PI4KA: variants seen among roughly 807,000 people sequenced by gnomAD.
The protein encoded by PI4KA is phosphatidylinositol 4-kinase alpha, also known as PI4-kinase alpha.
PI4KA carries 122 observed loss-of-function variants against 271.4 expected under a neutral mutation model. That is an observed-to-expected ratio of 0.45 (90% CI 0.39 to 0.52). The LOEUF is 0.52. Among genes scored for constraint, PI4KA ranks in the 20% least tolerant of loss-of-function variants. The probability of loss-of-function intolerance (pLI) is 0.00; values close to 1 mark genes in which losing one functional copy is unlikely to be tolerated. For missense variants in PI4KA, 1,969 were observed against 2,769.1 expected (o/e 0.71, Z 6.48); for synonymous variants, 1,041 against 1,078.8 (o/e 0.96, Z 0.69).
intron 1 of PI4KA, among the ~76,000 whole-genome samples, chr22:20,853,391 A>T (rs1473965491): frequency 6.6e-6 from 1 of 152,232 alleles, no homozygotes; most frequent in Non-Finnish European, 1.5e-5. Context: ...GGGGTGGCTC[A>T]GCAACATTCT....
rs765346552 is a variant in PI4KA, at chr22:20,721,314, C to A, written c.5100G>T (p.Glu1700Asp). 6.2e-7 allele frequency: 1 copy of A among 1,613,932 alleles called. No homozygotes were observed. The highest frequency in any genetic ancestry group is 1.3e-5 in the African/African-American group (1 of 74,902). The change falls in exon 43 of 55, where the codon GAG becomes GAT. Residue 1700 changes from glutamate to aspartate, a missense_variant. Glu to Asp is a conservative substitution (Grantham distance 45). Around this residue, in one of 13 missense-constraint regions of PI4KA, gnomAD observed 388 missense variants for 521.5 expected, o/e 0.74. Transcript: ENST00000255882. ...NMKTNIYLDE[E>D]GHQKDPDIGD... ...AATACTCACGGTCTTTCTGGTGGCCCTCTTCATCTAGATAAATGTTAGTCT... is the reference window on the plus strand; with the variant it reads ...AATACTCACGGTCTTTCTGGTGGCCATCTTCATCTAGATAAATGTTAGTCT...
chr22:20,761,332 C>T lies in PI4KA; in HGVS notation c.2763G>A (p.Glu921=). The T allele has an allele frequency of 6.2e-7, 1 of 1,610,050 alleles. No individual in the cohort carries two copies. ...DRFQVMFCYF[E]DKAIQKDKSG... ...ATTTGTCTTTCTGAATAGCTTTATC[C>T]TCAAAGTAGCAGAACATTACCTGGA... Residue 921 remains glutamate (E), a synonymous_variant, in exon 23 of 55, where the codon GAG becomes GAA. Coordinates refer to ENST00000255882, the MANE Select transcript of PI4KA (RefSeq NM_058004.4).
At chr22:20,819,077 T>C (rs1922226635) in intron 6 of PI4KA, among the ~76,000 whole-genome samples, 1 of 152,238 alleles carries the variant, frequency 6.6e-6, no homozygotes, top group Non-Finnish European at 1.5e-5. Context: ...TTTTGGTTTT[T>C]ACACTATTTA....
In PI4KA at chr22:20,727,339, C is replaced by A. The variant is rs1043838514; in HGVS notation, c.4832G>T (p.Cys1611Phe). ...ADAPELSHVL[C>F]WAPTDPPTGL... Reference sequence around the variant, plus strand: ...TGTGGGTGGGTCCGTGGGCGCCCAGCACAGCACATGGCTGAGCTCTGGAGC... The same window carrying A: ...TGTGGGTGGGTCCGTGGGCGCCCAGAACAGCACATGGCTGAGCTCTGGAGC... The change falls in exon 41 of 55, where the codon TGC becomes TTC. Residue 1611 changes from cysteine to phenylalanine, a missense_variant. By Grantham distance (205) the Cys-to-Phe change is radical (BLOSUM62 -2). This residue lies in a region of PI4KA where 388 missense variants were observed against 521.5 expected (regional missense o/e 0.74). Transcript: ENST00000255882. The A allele has an allele frequency of 3.1e-6, 5 of 1,613,044 alleles. No individual in the cohort carries two copies. In the Admixed American group the frequency reaches 6.7e-5, roughly 22 times the overall value.
intron 19 of PI4KA, chr22:20,785,988 T>C (rs1162941892): frequency 6.2e-7 from 1 of 1,614,146 alleles, no homozygotes; most frequent in Non-Finnish European, 8.5e-7. Flanking sequence ...GGGCCCCCCT[T>C]TCCTTTTCTG....
At chr22:20,852,166 T>TA (rs1343160145) in intron 1 of PI4KA, among the ~76,000 whole-genome samples, 1 of 152,024 alleles carries the variant, frequency 6.6e-6, no homozygotes, top group East Asian at 1.9e-4. Flanking sequence ...ATCAGGAAGA[T>TA]AAAATGCATA....
At chr22:20,815,394 A>C (rs1169868747) in intron 7 of PI4KA, among the ~76,000 whole-genome samples, 2 of 151,708 alleles carry the variant, frequency 1.3e-5, no homozygotes, top group Non-Finnish European at 2.9e-5. Flanking sequence ...AAAAAAAAAA[A>C]AAAAAACAAA....
chr22:20,822,682 CAT>C (rs961763125), intron 4 of PI4KA, among the ~76,000 whole-genome samples: 4 of 152,150 alleles, frequency 2.6e-5, no homozygotes, highest in African/African-American at 9.7e-5. Flanking sequence ...GCCCTCAGCC[CAT>C]ATAACTGGTC....
At position 20,823,979 on chromosome 22, in the gene PI4KA, C is replaced by A. The variant is rs555783234; in HGVS notation, c.456+347G>T. 8.6e-5 allele frequency among the ~76,000 whole-genome samples: 13 copies of A among 152,042 alleles called. No homozygotes were observed. The South Asian group carries it at 2.7e-3, about 32-fold the overall frequency. On this transcript the variant is annotated intron_variant, in intron 4 of 54. Coordinates refer to ENST00000255882, the MANE Select transcript of PI4KA (RefSeq NM_058004.4). ...ATGATCTTCTATGAATGACTTCAAT[C>A]CCCAACAAAGAGCAAGAAAAATGAG... is the stretch of plus-strand genomic sequence containing the variant.
intron 3 of PI4KA, among the ~76,000 whole-genome samples, chr22:20,827,491 T>C (rs191243231): frequency 6.6e-6 from 1 of 152,302 alleles, no homozygotes; most frequent in Admixed American, 6.5e-5. Context: ...TAATGTGATG[T>C]CTCCAGCTTT....
At chr22:20,732,401 C>T (rs1601356722) in intron 36 of PI4KA, among the ~76,000 whole-genome samples, 1 of 152,036 alleles carries the variant, frequency 6.6e-6, no homozygotes, top group East Asian at 1.9e-4. Context: ...TGCTTCTTTG[C>T]GTGGCATGTT....
intron 32 of PI4KA, among the ~76,000 whole-genome samples, chr22:20,740,061 CAAAAAAAAAAAAAA>C (rs59323542): frequency 1.2e-4 from 9 of 73,374 alleles, no homozygotes; most frequent in African/African-American, 4.5e-4. Flanking sequence ...GACCCCATCT[CAAAAAAAAAAAAAA>C]AAAAAAAAAA....
chr22:20,742,406 A>G, intron 31 of PI4KA, 51 bp from the exon 32 acceptor site: 4 of 1,597,710 alleles, frequency 2.5e-6, no homozygotes, highest in Non-Finnish European at 3.4e-6. Context: ...GCTGAACCCC[A>G]AAACAGCTTC....
At chr22:20,811,242 T>C (rs1459007015) in intron 8 of PI4KA, among the ~76,000 whole-genome samples, 1 of 152,200 alleles carries the variant, frequency 6.6e-6, no homozygotes, top group Non-Finnish European at 1.5e-5. Context: ...CTACCTTAGA[T>C]AGCAATGACA....
At chr22:20,800,368 C>A (rs995251142) in intron 14 of PI4KA, among the ~76,000 whole-genome samples, 1 of 152,100 alleles carries the variant, frequency 6.6e-6, no homozygotes, top group Admixed American at 6.6e-5. Flanking sequence ...GTATGTAGCT[C>A]TCAAGTTGGA....
chr22:20,722,248 A>T lies in PI4KA; in HGVS notation c.4996-830T>A, dbSNP rs28679571. Among the ~76,000 whole-genome samples, 80 of 152,138 alleles carry T rather than the reference A, an allele frequency of 5.3e-4. 1 individual carries two copies. The highest frequency in any genetic ancestry group is 9.7e-4 in the Non-Finnish European group (66 of 68,018). ...GTCACCCAGGCTGTAGTGCAGTGGT[A>T]CAATCTCAGCTCACTGCAACCTCCA... On this transcript the variant is annotated intron_variant, in intron 42 of 54. Coordinates refer to ENST00000255882, the MANE Select transcript of PI4KA (RefSeq NM_058004.4).
At chr22:20,711,527 A>G in intron 50 of PI4KA, 66 bp from the exon 51 acceptor site, 1 of 1,114,120 alleles carries the variant, frequency 9.0e-7, no homozygotes, top group Non-Finnish European at 1.3e-6. Context: ...CTGGTCCCAC[A>G]CCCAGGATCC....
intron 23 of PI4KA, among the ~76,000 whole-genome samples, chr22:20,757,829 C>T (rs1477470348): frequency 6.6e-6 from 1 of 152,164 alleles, no homozygotes. Flanking sequence ...CAGGCGTGAG[C>T]TACCGCACCC....
At chr22:20,835,863 A>G (rs1278651122) in intron 2 of PI4KA, among the ~76,000 whole-genome samples, 1 of 152,028 alleles carries the variant, frequency 6.6e-6, no homozygotes, top group Non-Finnish European at 1.5e-5. Flanking sequence ...CCTGGCCAAT[A>G]TGGTGAAACC....
Sources: gnomAD v4.1 joint callset for allele counts (sites outside exome capture counted in the v4.1 genomes callset) on GRCh38, gnomAD v4.1.1 for gene constraint, gnomAD v4.1.1 regional missense constraint, MANE v1.5 for transcripts, NCBI Gene and HGNC (gene_info 2026-07-23, HGNC 2026-07-21) for gene names.